Variants in TICRR observed in about 807,000 individuals in gnomAD.
TICRR encodes the protein TOPBP1 interacting checkpoint and replication regulator.
A neutral mutation model predicts 178.1 loss-of-function variants in TICRR; 132 were observed. That is an observed-to-expected ratio of 0.74 (90% CI 0.64 to 0.86). The LOEUF (loss-of-function observed/expected upper bound fraction) is 0.86, where lower values mean the gene tolerates loss of function less well. Ranked by LOEUF, TICRR falls within the 40% of genes least tolerant of loss-of-function variation. The pLI, the probability that TICRR is intolerant of heterozygous loss-of-function variation, is 0.00. For missense variants in TICRR, 2,587 were observed against 2,334.3 expected (o/e 1.11, Z -2.23); for synonymous variants, 991 against 900.7 (o/e 1.10, Z -1.79).
At chr15:89,623,450 A>G (rs1264699907) in intron 19 of TICRR, among the ~76,000 whole-genome samples, 173 bp from the exon 20 acceptor site, 3 of 152,224 alleles carry the variant, frequency 2.0e-5, no homozygotes, top group Non-Finnish European at 4.4e-5. Flanking sequence ...GTAGACAAGT[A>G]AAATCTGAGT....
chr15:89,608,037 T>A (rs1963200001), intron 14 of TICRR, among the ~76,000 whole-genome samples: 1 of 152,076 alleles, frequency 6.6e-6, no homozygotes, highest in African/African-American at 2.4e-5. Context: ...GCAGCAAAAA[T>A]GTCCAAAGTG....
At chr15:89,596,163 T>C (rs1001877706) in intron 7 of TICRR, among the ~76,000 whole-genome samples, 7 of 152,200 alleles carry the variant, frequency 4.6e-5, no homozygotes. Context: ...AATAATTCCG[T>C]GAGAAAGACA....
chr15:89,575,743 C>T lies in TICRR; in HGVS notation c.157C>T (p.Gln53Ter). ...VHWAFKFFDS[Q>*]GARSRPSRVS... ...CTGGGCCTTCAAGTTCTTTGACTCG[C>T]AGGGGGCGCGGAGCCGGCCGTCCCG... The change falls in exon 1 of 22, where the codon CAG (glutamine) becomes TAG (stop). Residue 53 changes from glutamine (Q) to a stop codon, truncating the protein, a stop_gained. Coordinates refer to ENST00000268138, the MANE Select transcript of TICRR (RefSeq NM_152259.4). LOFTEE classifies it high-confidence loss of function. 1.2e-6 allele frequency: 2 copies of T among 1,610,078 alleles called. No homozygotes were observed. The highest frequency in any genetic ancestry group is 1.7e-6 in the Non-Finnish European group (2 of 1,179,042).
At position 89,575,684 on chromosome 15, in the gene TICRR, A is replaced by C. The variant is rs373455699; in HGVS notation, c.98A>C (p.Tyr33Ser). ...VRRAALRLLTYLSCRFGLARV... is the reference protein window; with the variant it reads ...VRRAALRLLTSLSCRFGLARV... The stretch of plus-strand genomic sequence containing the variant: ...CGGGCCGCCCTGCGCCTCCTCACCT[A>C]TCTGAGTTGCCGATTCGGCCTGGCC... The change falls in exon 1 of 22, where the codon TAT becomes TCT. Residue 33 changes from tyrosine to serine, a missense_variant. Coordinates refer to ENST00000268138, the MANE Select transcript of TICRR (RefSeq NM_152259.4). 1.2e-6 allele frequency: 2 copies of C among 1,601,830 alleles called. No homozygotes were observed. The highest frequency in any genetic ancestry group is 1.7e-6 in the Non-Finnish European group (2 of 1,175,844).
intron 4 of TICRR, among the ~76,000 whole-genome samples, chr15:89,590,768 T>G (rs765264): frequency 0.85 from 128,986 of 152,238 alleles, 55,080 homozygotes; most frequent in Non-Finnish European, 0.92. Context: ...TTTCGAAGTA[T>G]GCATTGTATT....
At chr15:89,595,055 T>A (rs1362877403) in intron 6 of TICRR, among the ~76,000 whole-genome samples, 3 of 152,246 alleles carry the variant, frequency 2.0e-5, no homozygotes, top group Non-Finnish European at 2.9e-5. Flanking sequence ...ATTGCTAAAT[T>A]GTCATTCAGA....
In TICRR at chr15:89,606,749, G is replaced by T; in HGVS notation, c.2665-19G>T. ...GAATGCCTATTTAAATTTTCTTTCT[G>T]GATTTTCTCATGTTTCAGGAGAACT... On this transcript the variant is annotated intron_variant, in intron 13 of 21. Coordinates refer to ENST00000268138, the MANE Select transcript of TICRR (RefSeq NM_152259.4). 1.9e-6 allele frequency: 3 copies of T among 1,611,608 alleles called. No homozygotes were observed. The highest frequency in any genetic ancestry group is 2.5e-6 in the Non-Finnish European group (3 of 1,178,254).
rs1217528594 is a variant in TICRR, at chr15:89,621,510, C to G, written c.3272C>G (p.Ser1091Ter). 1 of 1,613,782 alleles carries G rather than the reference C, an allele frequency of 6.2e-7. No individual in the cohort carries two copies. The highest frequency in any genetic ancestry group is 8.5e-7 in the Non-Finnish European group (1 of 1,179,902). The part of the protein sequence containing the change: ...EKGSARMKKR[S>*]RNTLDSEVPA... ...GGTTCAGCTCGAATGAAAAAGCGTT[C>G]AAGAAACACTTTGGATTCGGAGGTA... Residue 1091 changes from serine (S) to a stop codon, truncating the protein, a stop_gained, in exon 19 of 22, where the codon TCA (serine) becomes TGA (stop). Coordinates refer to ENST00000268138, the MANE Select transcript of TICRR (RefSeq NM_152259.4). LOFTEE classifies it high-confidence loss of function.
At chr15:89,611,743 A>T (rs918027176) in intron 15 of TICRR, among the ~76,000 whole-genome samples, 3 of 152,066 alleles carry the variant, frequency 2.0e-5, no homozygotes, top group African/African-American at 7.2e-5. Flanking sequence ...TTCTTCTGCC[A>T]GCTCAAATCT....
rs1267070860 is a variant in TICRR at position 89,583,004 on chromosome 15, T to A, written c.934+39T>A. The A allele has an allele frequency of 4.6e-6, 7 of 1,537,072 alleles. No homozygotes were observed. In the Admixed American group the frequency reaches 1.1e-4, roughly 23 times the overall value. Reference sequence around the variant, plus strand: ...ATTTTAAGGTTTTTTTTTTTTTAAATCTCAGTTACATTAATTTCTTCAAAG... The same window carrying A: ...ATTTTAAGGTTTTTTTTTTTTTAAAACTCAGTTACATTAATTTCTTCAAAG... On this transcript the variant is annotated intron_variant, in intron 2 of 21. Coordinates refer to ENST00000268138, the MANE Select transcript of TICRR (RefSeq NM_152259.4).
intron 13 of TICRR, among the ~76,000 whole-genome samples, chr15:89,604,420 C>G (rs1362734624): frequency 6.6e-6 from 1 of 152,208 alleles, no homozygotes; most frequent in Non-Finnish European, 1.5e-5. Context: ...ATTTGCAGAT[C>G]TTTCTAGCAC....
intron 1 of TICRR, among the ~76,000 whole-genome samples, chr15:89,578,629 C>G (rs1962666891): frequency 6.6e-6 from 1 of 151,020 alleles, no homozygotes; most frequent in Non-Finnish European, 1.5e-5. Flanking sequence ...TTCTTTGTCT[C>G]TCTTTTTTTC....
intron 4 of TICRR, among the ~76,000 whole-genome samples, chr15:89,587,690 GGATACCATCACAACGT>G (rs1256008416): frequency 6.6e-6 from 1 of 152,150 alleles, no homozygotes; most frequent in African/African-American, 2.4e-5. Context: ...TGGATGCTCG[GGATACCATCACAACGT>G]GATGGTTGTG....
chr15:89,617,060 C>T (rs767328323), intron 16 of TICRR, among the ~76,000 whole-genome samples: 2 of 152,126 alleles, frequency 1.3e-5, no homozygotes, highest in Non-Finnish European at 2.9e-5. Context: ...AACAGAAAAC[C>T]CAGGGAGCTA....
intron 15 of TICRR, among the ~76,000 whole-genome samples, chr15:89,614,990 A>G (rs1029747126): frequency 1.3e-5 from 2 of 152,198 alleles, no homozygotes; most frequent in Admixed American, 6.5e-5. Context: ...TCTCAAGTCT[A>G]TCCTCGGCAC....
At chr15:89,600,954 G>A (rs981598910) in intron 9 of TICRR, among the ~76,000 whole-genome samples, 3 of 150,358 alleles carry the variant, frequency 2.0e-5, no homozygotes, top group Non-Finnish European at 4.4e-5. Flanking sequence ...GCTGAAGCTG[G>A]AGGATTGTTT....
Position 89,627,592 on chromosome 15 carries a change from G to A in TICRR, c.*506G>A, listed in dbSNP as rs976567219. The stretch of plus-strand genomic sequence containing the variant: ...CTGTGTAACAGTAAAATCATCTCTA[G>A]TGACTGAGCACTCAGTACATTTTTG... On this transcript the variant is annotated 3_prime_UTR_variant, in exon 22 of 22. Transcript: ENST00000268138. 1 of 155,768 alleles carries A rather than the reference G, an allele frequency of 6.4e-6. No individual in the cohort carries two copies. 9.6% of individuals were successfully genotyped at this position (155,768 alleles called of 1,614,324 possible).
rs375487677 is a variant in TICRR at position 89,624,203 on chromosome 15, C to T, written c.3893C>T (p.Ser1298Leu). ...AIKTPKRPGN[S>L]TVTSSPPVTP... is the part of the protein sequence containing the mutation. ...AAAACTCCAAAAAGACCAGGGAATTCAACTGTGACTTCTTCCCCACCTGTT... is the reference window on the plus strand; with the variant it reads ...AAAACTCCAAAAAGACCAGGGAATTTAACTGTGACTTCTTCCCCACCTGTT... Residue 1298 changes from serine (S) to leucine (L), a missense_variant, in exon 20 of 22, where the codon TCA becomes TTA. By Grantham distance (145) the Ser-to-Leu change is moderately radical (BLOSUM62 -2). Coordinates refer to ENST00000268138, the MANE Select transcript of TICRR (RefSeq NM_152259.4). 1.9e-5 allele frequency: 30 copies of T among 1,614,060 alleles called. No homozygotes were observed. The highest frequency in any genetic ancestry group is 4.0e-5 in the African/African-American group (3 of 74,930).
chr15:89,609,098 A>ATTTTTTTT (rs1404698569), intron 15 of TICRR, 149 bp downstream of exon 15: 2 of 167,112 alleles, frequency 1.2e-5, no homozygotes, highest in African/African-American at 1.2e-4. Flanking sequence ...AATTTTGTTA[A>ATTTTTTTT]TCTTTTTTTT....
Sources: gnomAD v4.1 joint callset for allele counts (sites outside exome capture counted in the v4.1 genomes callset) on GRCh38, gnomAD v4.1.1 for gene constraint, MANE v1.5 for transcripts, NCBI Gene and HGNC (gene_info 2026-07-23, HGNC 2026-07-21) for gene names.